ECM2: variants seen among roughly 807,000 people sequenced by gnomAD.
The protein encoded by ECM2 is extracellular matrix protein 2, also known as extracellular matrix protein 2, female organ and adipocyte specific.
ECM2 carries 57 observed loss-of-function variants against 67.5 expected under a neutral mutation model. The ratio of observed to expected loss-of-function variants is 0.84; its 90% CI spans 0.68 to 1.05. The LOEUF is 1.05. Among genes scored for constraint, ECM2 ranks in the 50% least tolerant of loss-of-function variants. The pLI is 0.00. For synonymous variants in ECM2, 258 were observed against 294.5 expected (o/e 0.88, Z 1.27); for missense variants, 741 against 822.8 (o/e 0.90, Z 1.22).
chr9:92,533,303 C>CAAAAA (rs1174584000), intron 1 of ECM2, among the ~76,000 whole-genome samples: 8 of 29,886 alleles, frequency 2.7e-4, no homozygotes, highest in Non-Finnish European at 3.9e-4. Flanking sequence ...CGGTCTCAAA[C>CAAAAA]AAAAAAAAAA....
chr9:92,529,077 G>GA (rs1563988502), intron 1 of ECM2, among the ~76,000 whole-genome samples: 2 of 152,010 alleles, frequency 1.3e-5, no homozygotes, highest in African/African-American at 2.4e-5. Context: ...ATGTGAGAGA[G>GA]AAAAAATACA....
the ECM2 span, among the ~76,000 whole-genome samples, chr9:92,546,375 A>G: frequency 3.9e-5 from 6 of 152,294 alleles, no homozygotes; most frequent in South Asian, 1.0e-3. Flanking sequence ...TGCTCTTTGC[A>G]ATAAATCTTG....
At chr9:92,518,744 C>G (rs1847881607) in intron 2 of ECM2, among the ~76,000 whole-genome samples, 1 of 152,036 alleles carries the variant, frequency 6.6e-6, no homozygotes, top group African/African-American at 2.4e-5. Context: ...CAAAAATTAG[C>G]CGAGTATGGT....
chr9:92,542,107 T>G, the ECM2 span, among the ~76,000 whole-genome samples: 1 of 152,038 alleles, frequency 6.6e-6, no homozygotes, highest in African/African-American at 2.4e-5. Context: ...TTTTATTTCC[T>G]TTGAGATTAG....
the ECM2 span, among the ~76,000 whole-genome samples, chr9:92,556,020 C>T: frequency 6.6e-6 from 1 of 151,960 alleles, no homozygotes; most frequent in African/African-American, 2.4e-5. Context: ...TTGATGTGGG[C>T]GTTTAGGGCT....
At chr9:92,517,638 G>A (rs772251530) in intron 3 of ECM2, 49 bp downstream of exon 3, 9 of 1,605,684 alleles carry the variant, frequency 5.6e-6, no homozygotes, top group South Asian at 2.2e-5. Context: ...ACAAATGGAA[G>A]TTAAAGATTA....
At chr9:92,539,744 T>TA (rs1017109220), upstream of ECM2, among the ~76,000 whole-genome samples, 29 of 152,178 alleles carry the variant, frequency 1.9e-4, no homozygotes, top group African/African-American at 7.0e-4. Flanking sequence ...ACTAAAGTGT[T>TA]ACAGTTGCTT....
intron 8 of ECM2, among the ~76,000 whole-genome samples, chr9:92,502,008 C>T (rs926452601): frequency 6.6e-6 from 1 of 152,192 alleles, no homozygotes; most frequent in African/African-American, 2.4e-5. Flanking sequence ...GAAAAGAAGG[C>T]TGTGTAGTGT....
At chr9:92,556,877 T>G in the ECM2 span, among the ~76,000 whole-genome samples, 1 of 152,208 alleles carries the variant, frequency 6.6e-6, no homozygotes, top group Non-Finnish European at 1.5e-5. Flanking sequence ...TGTGGGTTTT[T>G]TTGTTTTTTG....
intron 5 of ECM2, among the ~76,000 whole-genome samples, chr9:92,511,745 G>A (rs912509825): frequency 6.6e-6 from 1 of 152,164 alleles, no homozygotes; most frequent in South Asian, 2.1e-4. Context: ...AGTTACTTGG[G>A]AAGAAACTAC....
At chr9:92,515,828 A>C (rs536231375) in intron 3 of ECM2, among the ~76,000 whole-genome samples, 3 of 152,272 alleles carry the variant, frequency 2.0e-5, no homozygotes, top group African/African-American at 7.2e-5. Flanking sequence ...ACTACCTGAG[A>C]CTTACAAATG....
At chr9:92,500,256 C>T (rs1846590019) in intron 9 of ECM2, among the ~76,000 whole-genome samples, 1 of 152,144 alleles carries the variant, frequency 6.6e-6, no homozygotes, top group Non-Finnish European at 1.5e-5. Context: ...CATCCCGGCT[C>T]ACTGCAACCT....
At chr9:92,519,238 G>C (rs1010036017) in intron 2 of ECM2, among the ~76,000 whole-genome samples, 1 of 152,162 alleles carries the variant, frequency 6.6e-6, no homozygotes, top group Admixed American at 6.5e-5. Context: ...ATACACATAT[G>C]AGTTTCTTCC....
chr9:92,539,731 T>C (rs556190854), upstream of ECM2, among the ~76,000 whole-genome samples: 2 of 152,304 alleles, frequency 1.3e-5, no homozygotes, highest in Admixed American at 6.5e-5. Flanking sequence ...CCTTTTAAGC[T>C]ATACTAAAGT....
chr9:92,537,364 T>A (rs1326863326), upstream of ECM2, among the ~76,000 whole-genome samples: 1 of 152,080 alleles, frequency 6.6e-6, no homozygotes, highest in Non-Finnish European at 1.5e-5. Context: ...TATCTATTTT[T>A]AAAAATGTAA....
At chr9:92,518,510 TG>T (rs1177383579) in intron 2 of ECM2, among the ~76,000 whole-genome samples, 1 of 152,238 alleles carries the variant, frequency 6.6e-6, no homozygotes, top group East Asian at 1.9e-4. Flanking sequence ...CATGCTTCCG[TG>T]GTGCTTCTCA....
At chr9:92,524,062 G>C (rs1848241196) in intron 1 of ECM2, among the ~76,000 whole-genome samples, 1 of 152,196 alleles carries the variant, frequency 6.6e-6, no homozygotes. Flanking sequence ...CTGTTCTGCA[G>C]GTTTTCAAAG....
At chr9:92,533,303 C>CAAAAAAAAAA (rs1174584000) in intron 1 of ECM2, among the ~76,000 whole-genome samples, 3 of 29,886 alleles carry the variant, frequency 1.0e-4, no homozygotes, top group Non-Finnish European at 1.7e-4. Flanking sequence ...CGGTCTCAAA[C>CAAAAAAAAAA]AAAAAAAAAA....
At chr9:92,557,599 T>G in the ECM2 span, among the ~76,000 whole-genome samples, 7 of 152,296 alleles carry the variant, frequency 4.6e-5, no homozygotes, top group Admixed American at 4.6e-4. Context: ...TTTCTTCTAC[T>G]TGTTCAGTTC....
Sources: gnomAD v4.1 joint callset for allele counts (sites outside exome capture counted in the v4.1 genomes callset) on GRCh38, gnomAD v4.1.1 for gene constraint, MANE v1.5 for transcripts, NCBI Gene and HGNC (gene_info 2026-07-23, HGNC 2026-07-21) for gene names.